Variants in SPEF2 observed in about 807,000 individuals in gnomAD.
SPEF2 encodes sperm flagellar and cilia associated 2, also known as sperm flagella and cilia-associated protein 2.
Under a neutral mutation model 224.6 loss-of-function variants are expected in SPEF2, and 187 were observed. That is an observed-to-expected ratio of 0.83 (90% CI 0.74 to 0.94). The LOEUF (loss-of-function observed/expected upper bound fraction) is 0.94, where lower values mean the gene tolerates loss of function less well. Among genes scored for constraint, SPEF2 ranks in the 40% least tolerant of loss-of-function variants. SPEF2 has a pLI of 0.00. For synonymous variants in SPEF2, 715 were observed against 707.3 expected (o/e 1.01, Z -0.17); for missense variants, 2,170 against 2,135.6 (o/e 1.02, Z -0.32).
At chr5:35,695,433 C>T (rs1278787177) in intron 13 of SPEF2, among the ~76,000 whole-genome samples, 5 of 151,790 alleles carry the variant, frequency 3.3e-5, no homozygotes, top group African/African-American at 7.3e-5. Context: ...AAGCGAACCC[C>T]GACTGTGTTA....
chr5:35,795,650 A>G, intron 32 of SPEF2, 53 bp from the exon 33 acceptor site: 1 of 1,523,568 alleles, frequency 6.6e-7, no homozygotes, highest in East Asian at 2.3e-5. Flanking sequence ...TTTTAGAGGA[A>G]CATCTCAGCA....
chr5:35,645,265 T>C (rs958480246), intron 4 of SPEF2, among the ~76,000 whole-genome samples: 6 of 152,192 alleles, frequency 3.9e-5, no homozygotes, highest in African/African-American at 1.4e-4. Flanking sequence ...TTATTTGCAA[T>C]GATAAGAAAT....
At chr5:35,715,816 C>CCTTTTTTTTTTTTT (rs70973054) in intron 20 of SPEF2, among the ~76,000 whole-genome samples, 1 of 117,940 alleles carries the variant, frequency 8.5e-6, no homozygotes. Context: ...GATATAATTT[C>CCTTTTTTTTTTTTT]TTTTTTTTTT....
chr5:35,763,329 A>G (rs886560746), intron 25 of SPEF2, among the ~76,000 whole-genome samples, 193 bp from the exon 26 acceptor site: 3 of 152,184 alleles, frequency 2.0e-5, no homozygotes, highest in African/African-American at 7.2e-5. Flanking sequence ...CTTCTTATTA[A>G]CAAGATGTTC....
chr5:35,799,291 C>G (rs1403287901), intron 33 of SPEF2, among the ~76,000 whole-genome samples: 1 of 152,216 alleles, frequency 6.6e-6, no homozygotes, highest in Non-Finnish European at 1.5e-5. Flanking sequence ...GGGCTTGGGC[C>G]TCTGCTTTGG....
intron 4 of SPEF2, among the ~76,000 whole-genome samples, chr5:35,645,549 G>A (rs573766994): frequency 6.6e-6 from 1 of 152,242 alleles, no homozygotes; most frequent in East Asian, 1.9e-4. Context: ...TTGCCAGAGG[G>A]TAAATAAAGG....
intron 26 of SPEF2, chr5:35,764,576 A>G (rs1231557828): frequency 2.2e-6 from 1 of 456,062 alleles, no homozygotes; most frequent in Admixed American, 2.3e-5. Flanking sequence ...CTCTTTTCAC[A>G]ACATGCCAAG....
chr5:35,681,909 C>T (rs1752869437), intron 10 of SPEF2, among the ~76,000 whole-genome samples: 1 of 152,162 alleles, frequency 6.6e-6, no homozygotes, highest in Non-Finnish European at 1.5e-5. Flanking sequence ...ATGGACACAT[C>T]TGGTGAAAAG....
chr5:35,807,547 G>T, intron 36 of SPEF2: 1 of 1,210,938 alleles, frequency 8.3e-7, no homozygotes, highest in Non-Finnish European at 1.2e-6. Context: ...TGAAGGGTTT[G>T]GAGAATAAGA....
In SPEF2 at chr5:35,748,252, T is replaced by C. The variant is rs139878843; in HGVS notation, c.3331-5372T>C. Reference sequence around the variant, plus strand: ...ATCAAAAGAGCACAAACTGACATTCTAAGGTCACACCTCAAGGAACTAGAA... The same window carrying C: ...ATCAAAAGAGCACAAACTGACATTCCAAGGTCACACCTCAAGGAACTAGAA... On this transcript the variant is annotated intron_variant, in intron 23 of 36. Transcript: ENST00000356031. Among the ~76,000 whole-genome samples the C allele has an allele frequency of 1.4e-3, 206 of 151,940 alleles. 1 individual carries two copies. Among genetic ancestry groups the C allele is most frequent in the Non-Finnish European group, 2.5e-3 (167 of 67,924 alleles).
chr5:35,697,424 T>C (rs1755494993), intron 14 of SPEF2, among the ~76,000 whole-genome samples: 1 of 152,158 alleles, frequency 6.6e-6, no homozygotes, highest in Non-Finnish European at 1.5e-5. Flanking sequence ...TCAATCTTTC[T>C]GATTTAAGGT....
At chr5:35,657,759 C>T (rs985357106) in intron 7 of SPEF2, among the ~76,000 whole-genome samples, 19 of 152,142 alleles carry the variant, frequency 1.2e-4, no homozygotes, top group African/African-American at 4.6e-4. Context: ...TGGCTCCCAC[C>T]TGGTTTTGTG....
rs151270172 is a variant in SPEF2 at position 35,630,062 on chromosome 5, T to G, written c.161+1500T>G. ...TAAACTTTAAAGTTCCAAAATCATC[T>G]CCTTTGACTCCATGTCTCACATCCA... On this transcript the variant is annotated intron_variant, in intron 2 of 36. Transcript: ENST00000356031. Among the ~76,000 whole-genome samples, 288 of 152,252 alleles carry G rather than the reference T, an allele frequency of 1.9e-3. 3 individuals carry two copies. The highest frequency in any genetic ancestry group is 6.5e-3 in the African/African-American group (271 of 41,540).
At chr5:35,709,478 A>G (rs114167643) in intron 19 of SPEF2, 1 of 1,004,062 alleles carries the variant, frequency 1.0e-6, no homozygotes, top group African/African-American at 1.7e-5. Flanking sequence ...TGTAATGAGT[A>G]AGAACATCTT....
Position 35,654,555 on chromosome 5 carries a change from T to C in SPEF2, c.807T>C (p.Ser269=). The C allele has an allele frequency of 6.3e-7, 1 of 1,588,272 alleles. No homozygotes were observed. Among genetic ancestry groups the C allele is most frequent in the Non-Finnish European group, 8.5e-7 (1 of 1,172,946 alleles). ...TTATTCTTAGTGCATCCAAGACTTCTTTAGATACAGCAGGCCAGACAACCA... is the reference window on the plus strand; with the variant it reads ...TTATTCTTAGTGCATCCAAGACTTCCTTAGATACAGCAGGCCAGACAACCA... ...LQAKESASKT[S]LDTAGQTTTD... is the part of the protein sequence containing the mutation. Residue 269 remains serine, a synonymous_variant, in exon 7 of 37, where the codon TCT becomes TCC. Transcript: ENST00000356031.
intron 25 of SPEF2, among the ~76,000 whole-genome samples, chr5:35,762,220 G>T (rs779837067): frequency 1.3e-4 from 20 of 152,124 alleles, no homozygotes; most frequent in Non-Finnish European, 5.9e-5. Context: ...AATAGTGAGA[G>T]AGCTACCTAC....
At chr5:35,771,541 C>T in intron 26 of SPEF2, 68 bp from the exon 27 acceptor site, 1 of 1,547,496 alleles carries the variant, frequency 6.5e-7, no homozygotes, top group Non-Finnish European at 8.7e-7. Flanking sequence ...TTAGTAATGA[C>T]TACATCCAAA....
chr5:35,754,256 T>G (rs4869587), intron 24 of SPEF2, among the ~76,000 whole-genome samples: 40,150 of 152,120 alleles, frequency 0.26, 5,448 homozygotes, highest in African/African-American at 0.29. Flanking sequence ...CTATTAAATT[T>G]AAAAAAATTG....
intron 20 of SPEF2, 91 bp downstream of exon 20, chr5:35,712,977 A>G: frequency 8.9e-7 from 1 of 1,125,004 alleles, no homozygotes; most frequent in Non-Finnish European, 1.3e-6. Context: ...AGTAGTATAC[A>G]TTGACCACTT....
Sources: gnomAD v4.1 joint callset for allele counts (sites outside exome capture counted in the v4.1 genomes callset) on GRCh38, gnomAD v4.1.1 for gene constraint, MANE v1.5 for transcripts, NCBI Gene and HGNC (gene_info 2026-07-23, HGNC 2026-07-21) for gene names.